The following KCNJ15 variants were observed in gnomAD, a reference collection of about 807,000 sequenced individuals.
KCNJ15 encodes ATP-sensitive inward rectifier potassium channel 15.
A neutral mutation model predicts 23.0 loss-of-function variants in KCNJ15; 14 were observed. The observed-to-expected ratio is 0.61, with a 90% CI of 0.40 to 0.95. The LOEUF (loss-of-function observed/expected upper bound fraction) is 0.95, where lower values mean the gene tolerates loss of function less well. Among genes scored for constraint, KCNJ15 ranks in the 40% least tolerant of loss-of-function variants. KCNJ15 has a pLI of 0.00. For missense variants in KCNJ15, 388 were observed against 461.8 expected (o/e 0.84, Z 1.46); for synonymous variants, 185 against 183.2 (o/e 1.01, Z -0.08).
intron 1 of KCNJ15, among the ~76,000 whole-genome samples, chr21:38,250,081 G>A (rs371658142): frequency 8.5e-5 from 13 of 152,242 alleles, no homozygotes; most frequent in Non-Finnish European, 1.0e-4. Context: ...TTCACTTTAC[G>A]TAACTTAGCC....
intron 1 of KCNJ15, among the ~76,000 whole-genome samples, chr21:38,266,576 G>A (rs1183713992): frequency 6.6e-6 from 1 of 152,116 alleles, no homozygotes. Flanking sequence ...ATTTGTGTTG[G>A]TTCCAAGTCG....
chr21:38,283,445 C>T (rs578130688), intron 1 of KCNJ15, among the ~76,000 whole-genome samples: 1 of 152,270 alleles, frequency 6.6e-6, no homozygotes, highest in South Asian at 2.1e-4. Flanking sequence ...TTAGCTGTAT[C>T]AATTGCCTTT....
chr21:38,271,588 T>G (rs1211891164), intron 1 of KCNJ15, among the ~76,000 whole-genome samples: 1 of 152,222 alleles, frequency 6.6e-6, no homozygotes, highest in Non-Finnish European at 1.5e-5. Flanking sequence ...TTCCTGGAGC[T>G]CTCTCATTGC....
At chr21:38,258,485 A>G (rs1980518796) in intron 1 of KCNJ15, among the ~76,000 whole-genome samples, 1 of 152,190 alleles carries the variant, frequency 6.6e-6, no homozygotes, top group South Asian at 2.1e-4. Flanking sequence ...TTCTCTGTTA[A>G]TATAATAAGT....
chr21:38,263,431 A>C (rs961688897), intron 1 of KCNJ15, among the ~76,000 whole-genome samples: 1 of 152,176 alleles, frequency 6.6e-6, no homozygotes, highest in African/African-American at 2.4e-5. Flanking sequence ...TCTGCACTCA[A>C]ATAGGTTCAG....
In KCNJ15 at chr21:38,300,197, G is replaced by C; in HGVS notation, c.936G>C (p.Val312=). 1.2e-6 allele frequency: 2 copies of C among 1,614,138 alleles called. No individual in the cohort carries two copies. The highest frequency in any genetic ancestry group is 1.7e-6 in the Non-Finnish European group (2 of 1,180,020). The change falls in exon 3 of 3, where the codon GTG becomes GTC. Residue 312 remains valine, a synonymous_variant. Coordinates refer to ENST00000398938, the MANE Select transcript of KCNJ15 (RefSeq NM_170736.3). The part of the protein sequence containing the change: ...PEEIYWGFEF[V]PVVSLSKNGK... Reference sequence around the variant, plus strand: ...AAATCTACTGGGGTTTTGAGTTTGTGCCTGTGGTATCTCTCTCCAAAAATG... The same window carrying C: ...AAATCTACTGGGGTTTTGAGTTTGTCCCTGTGGTATCTCTCTCCAAAAATG...
intron 1 of KCNJ15, chr21:38,238,558 G>C: frequency 3.2e-6 from 2 of 633,438 alleles, no homozygotes; most frequent in Non-Finnish European, 6.0e-6. Flanking sequence ...CATGTGCTGG[G>C]AGAAGGCAGT....
At position 38,303,183 on chromosome 21, in the gene KCNJ15, T is replaced by G. The variant is rs1985916792; in HGVS notation, c.*2794T>G. On this transcript the variant is annotated 3_prime_UTR_variant, in exon 3 of 3. Transcript: ENST00000398938. The stretch of plus-strand genomic sequence containing the variant: ...CTATTATTACTTTGTACGTAATACT[T>G]TCATGTTACTATGCTAACAAAGGAT... 6.6e-6 allele frequency: 1 copy of G among 151,958 alleles called. No homozygotes were observed. The highest frequency in any genetic ancestry group is 2.1e-4 in the South Asian group (1 of 4,824). 9.4% of individuals were successfully genotyped at this position (151,958 alleles called of 1,614,324 possible).
At chr21:38,248,789 C>T (rs907123756) in intron 1 of KCNJ15, among the ~76,000 whole-genome samples, 3 of 152,182 alleles carry the variant, frequency 2.0e-5, no homozygotes, top group Non-Finnish European at 4.4e-5. Context: ...TGAGTGCAAC[C>T]AGCAGGAAGA....
chr21:38,275,777 T>A (rs1982624886), intron 1 of KCNJ15, among the ~76,000 whole-genome samples: 1 of 152,040 alleles, frequency 6.6e-6, no homozygotes, highest in Non-Finnish European at 1.5e-5. Context: ...CAATTGGGAG[T>A]ACTTGAAACA....
At chr21:38,271,785 A>G (rs1982125297) in intron 1 of KCNJ15, among the ~76,000 whole-genome samples, 1 of 152,184 alleles carries the variant, frequency 6.6e-6, no homozygotes, top group Non-Finnish European at 1.5e-5. Context: ...AGGTCACTAT[A>G]GGAACACATG....
At chr21:38,263,404 T>C (rs546679652) in intron 1 of KCNJ15, among the ~76,000 whole-genome samples, 1 of 152,304 alleles carries the variant, frequency 6.6e-6, no homozygotes, top group Admixed American at 6.5e-5. Flanking sequence ...ACCCTATCCC[T>C]GCAAGAAATA....
At chr21:38,234,962 G>A (rs1978504601) in intron 1 of KCNJ15, among the ~76,000 whole-genome samples, 2 of 152,148 alleles carry the variant, frequency 1.3e-5, no homozygotes, top group Non-Finnish European at 2.9e-5. Context: ...TGGGTGTGTT[G>A]CTAGATCACT....
chr21:38,294,728 AC>A (rs1423369703), intron 1 of KCNJ15, among the ~76,000 whole-genome samples: 7 of 151,954 alleles, frequency 4.6e-5, no homozygotes, highest in South Asian at 2.1e-4. Context: ...ATAGCTAAGT[AC>A]CTTTTTCAAT....
intron 1 of KCNJ15, among the ~76,000 whole-genome samples, chr21:38,237,711 G>A (rs1978706713): frequency 6.6e-6 from 1 of 152,206 alleles, no homozygotes; most frequent in Non-Finnish European, 1.5e-5. Flanking sequence ...GATCAATGGT[G>A]TTGAGGTACC....
In KCNJ15 at chr21:38,243,642, G is replaced by A. The variant is rs577592205; in HGVS notation, c.-398-13404G>A. ...TTGTCATGTTGGCCAGGCTGGTCTC[G>A]AGCTCCTGACCTCAGGTGATCTGCC... On this transcript the variant is annotated intron_variant, in intron 1 of 4. Transcript: ENST00000547341. Among the ~76,000 whole-genome samples, 6 of 152,188 alleles carry A rather than the reference G, an allele frequency of 3.9e-5. No homozygotes were observed. The South Asian group carries it at 6.2e-4, about 16-fold the overall frequency.
intron 1 of KCNJ15, among the ~76,000 whole-genome samples, chr21:38,236,037 A>G (rs1978580130): frequency 6.6e-6 from 1 of 152,200 alleles, no homozygotes; most frequent in Non-Finnish European, 1.5e-5. Flanking sequence ...TTTTGCCCAT[A>G]GACTTTTTAT....
intron 1 of KCNJ15, among the ~76,000 whole-genome samples, chr21:38,235,958 A>G (rs1978572818): frequency 6.6e-6 from 1 of 152,204 alleles, no homozygotes; most frequent in South Asian, 2.1e-4. Flanking sequence ...TTTCCAGAAT[A>G]TATCATTTTT....
At chr21:38,283,985 G>C (rs750214222) in intron 1 of KCNJ15, among the ~76,000 whole-genome samples, 1 of 152,154 alleles carries the variant, frequency 6.6e-6, no homozygotes, top group Non-Finnish European at 1.5e-5. Flanking sequence ...CTGTCTAAGG[G>C]GGAAGCTCCT....
Sources: gnomAD v4.1 joint callset for allele counts (sites outside exome capture counted in the v4.1 genomes callset) on GRCh38, gnomAD v4.1.1 for gene constraint, MANE v1.5 for transcripts, NCBI Gene and HGNC (gene_info 2026-07-23, HGNC 2026-07-21) for gene names.